The following EML4 variants were observed in gnomAD, a reference collection of about 807,000 sequenced individuals.
EML4 encodes echinoderm microtubule-associated protein-like 4.
EML4 carries 72 observed loss-of-function variants against 129.0 expected under a neutral mutation model. That is an observed-to-expected ratio of 0.56 (90% confidence interval 0.46 to 0.68). The LOEUF (loss-of-function observed/expected upper bound fraction) is 0.68. EML4 is among the 30% of genes least tolerant of loss of function. The probability of loss-of-function intolerance (pLI) is 0.00; values close to 1 mark genes in which losing one functional copy is unlikely to be tolerated. For missense variants in EML4, 1,363 were observed against 1,190.6 expected (o/e 1.14, Z -2.13); for synonymous variants, 532 against 405.0 (o/e 1.31, Z -3.77).
intron 18 of EML4, among the ~76,000 whole-genome samples, chr2:42,316,793 T>C (rs1048820526): frequency 2.6e-5 from 4 of 152,234 alleles, no homozygotes; most frequent in South Asian, 4.2e-4. Flanking sequence ...GCACAGAGAG[T>C]AGTATTCTTT....
chr2:42,170,794 A>G (rs549839072), intron 1 of EML4, among the ~76,000 whole-genome samples: 70 of 152,352 alleles, frequency 4.6e-4, no homozygotes, highest in African/African-American at 1.7e-3. Flanking sequence ...CTTGATAATA[A>G]GTCTCTACTT....
intron 1 of EML4, among the ~76,000 whole-genome samples, chr2:42,220,236 ATTTTT>A (rs56896362): frequency 0.33 from 46,793 of 139,964 alleles, 8,018 homozygotes; most frequent in East Asian, 0.55. Context: ...CAGATACTGT[ATTTTT>A]TTTTTTTTTT....
chr2:42,238,374 G>C (rs529977100), intron 1 of EML4, among the ~76,000 whole-genome samples: 1 of 152,304 alleles, frequency 6.6e-6, no homozygotes, highest in East Asian at 1.9e-4. Context: ...ATTGGAAAGG[G>C]AGCATTGCTA....
At chr2:42,316,440 C>G (rs977228784) in intron 18 of EML4, among the ~76,000 whole-genome samples, 1 of 152,200 alleles carries the variant, frequency 6.6e-6, no homozygotes, top group Non-Finnish European at 1.5e-5. Context: ...ATTCAAAATA[C>G]GCAAATTGTA....
chr2:42,210,861 T>C (rs1407660618), intron 1 of EML4, among the ~76,000 whole-genome samples: 1 of 152,222 alleles, frequency 6.6e-6, no homozygotes, highest in Non-Finnish European at 1.5e-5. Context: ...TTTTTAGAGA[T>C]TTATTTTAAG....
intron 6 of EML4, chr2:42,265,028 A>G: frequency 2.3e-6 from 3 of 1,295,610 alleles, no homozygotes; most frequent in South Asian, 1.3e-5. Context: ...TTTATTATTT[A>G]TGCTGCCTGA....
chr2:42,291,357 A>G (rs1164771185), intron 11 of EML4, among the ~76,000 whole-genome samples: 1 of 152,130 alleles, frequency 6.6e-6, no homozygotes, highest in Non-Finnish European at 1.5e-5. Flanking sequence ...TAATGGGAGA[A>G]AAAGATAAAT....
chr2:42,296,398 C>G (rs6742957), intron 13 of EML4, among the ~76,000 whole-genome samples: 2 of 152,008 alleles, frequency 1.3e-5, no homozygotes, highest in African/African-American at 4.8e-5. Flanking sequence ...GAGACATTTC[C>G]CCTGGGGATT....
intron 2 of EML4, among the ~76,000 whole-genome samples, chr2:42,253,646 C>T (rs1438916571): frequency 6.6e-6 from 1 of 152,106 alleles, no homozygotes; most frequent in Admixed American, 6.6e-5. Flanking sequence ...ATATTAAGTA[C>T]TTTTTGTGTG....
At position 42,175,996 on chromosome 2, in the gene EML4, CT is replaced by C. The variant is rs200720798; in HGVS notation, c.25+6373del. Among the ~76,000 whole-genome samples the C allele has an allele frequency of 4.9e-3, 707 of 143,336 alleles. 6 individuals carry two copies. Among genetic ancestry groups the C allele is most frequent in the East Asian group, 0.013 (66 of 4,978 alleles). The allele number at this position is 143,336 out of a possible 152,430, so 94.0% of individuals were successfully genotyped here. A position where few individuals can be genotyped will look rare whatever the true frequency, so the allele number is the denominator to read the frequency against. On this transcript the variant is annotated intron_variant, in intron 1 of 22. Transcript: ENST00000318522. ...TCTGTTTTTTTCGTTGGATCCTAAC[CT>C]TTTTTTTTTTTTCCCACTTGAACTC...
intron 10 of EML4, 29 bp from the exon 11 acceptor site, chr2:42,288,198 T>C: frequency 2.0e-6 from 2 of 1,014,280 alleles, no homozygotes; most frequent in Non-Finnish European, 3.0e-6. Flanking sequence ...CAGTGAATTT[T>C]AAAATGCCTC....
intron 1 of EML4, among the ~76,000 whole-genome samples, chr2:42,216,396 C>T (rs377505878): frequency 1.3e-5 from 2 of 151,700 alleles, no homozygotes; most frequent in African/African-American, 4.8e-5. Context: ...GTGTGTGCCA[C>T]CACACCTGGC....
intron 11 of EML4, among the ~76,000 whole-genome samples, chr2:42,290,263 A>T (rs1244366885): frequency 6.6e-6 from 1 of 152,106 alleles, no homozygotes; most frequent in Non-Finnish European, 1.5e-5. Context: ...TCTTGACCTT[A>T]TTCTGTTCTA....
intron 1 of EML4, among the ~76,000 whole-genome samples, chr2:42,225,234 C>G (rs1393764035): frequency 6.6e-6 from 1 of 152,032 alleles, no homozygotes; most frequent in Non-Finnish European, 1.5e-5. Context: ...ATAAAAGTAT[C>G]TGAGTCCACA....
At chr2:42,202,834 C>G (rs868395419) in intron 1 of EML4, among the ~76,000 whole-genome samples, 1 of 152,088 alleles carries the variant, frequency 6.6e-6, no homozygotes, top group African/African-American at 2.4e-5. Flanking sequence ...AACCATCACA[C>G]CTGGGCAACG....
At chr2:42,187,475 C>T (rs965154947) in intron 1 of EML4, among the ~76,000 whole-genome samples, 1 of 152,136 alleles carries the variant, frequency 6.6e-6, no homozygotes, top group Non-Finnish European at 1.5e-5. Context: ...CGTTCCTTTT[C>T]ATTGCTGAGT....
intron 18 of EML4, among the ~76,000 whole-genome samples, chr2:42,316,648 G>A (rs904478766): frequency 1.3e-5 from 2 of 152,162 alleles, no homozygotes; most frequent in Non-Finnish European, 2.9e-5. Context: ...TGTTATTAAT[G>A]TAGCTTTGAT....
chr2:42,235,341 T>G (rs541258894), intron 1 of EML4, among the ~76,000 whole-genome samples: 3 of 146,824 alleles, frequency 2.0e-5, no homozygotes, highest in Admixed American at 1.4e-4. Context: ...GCACCTGTAA[T>G]CCCAGCTACT....
intron 1 of EML4, among the ~76,000 whole-genome samples, chr2:42,173,055 G>T (rs749761561): frequency 1.3e-5 from 2 of 152,120 alleles, no homozygotes; most frequent in Non-Finnish European, 2.9e-5. Flanking sequence ...GAAATTGTTG[G>T]ATTAGGATCT....
Sources: gnomAD v4.1 joint callset for allele counts (sites outside exome capture counted in the v4.1 genomes callset) on GRCh38, gnomAD v4.1.1 for gene constraint, MANE v1.5 for transcripts, NCBI Gene and HGNC (gene_info 2026-07-23, HGNC 2026-07-21) for gene names.